Variants in ACSL3 observed in about 807,000 individuals in gnomAD.
The protein encoded by ACSL3 is fatty acid CoA ligase Acsl3.
In ACSL3, 34 loss-of-function variants were observed where a neutral mutation model predicts 84.7. That is an observed-to-expected ratio of 0.40 (90% CI 0.31 to 0.53). ACSL3 has a LOEUF of 0.53. Ranked by LOEUF, ACSL3 falls within the 20% of genes least tolerant of loss-of-function variation. ACSL3 has a pLI of 0.48. For synonymous variants in ACSL3, 315 were observed against 299.4 expected (o/e 1.05, Z -0.54); for missense variants, 680 against 873.1 (o/e 0.78, Z 2.79).
intron 16 of ACSL3, among the ~76,000 whole-genome samples, chr2:222,938,511 T>C (rs1478770925): frequency 3.9e-5 from 6 of 152,222 alleles, no homozygotes; most frequent in Non-Finnish European, 8.8e-5. Flanking sequence ...TGCTGATAAA[T>C]GATAGTTCAA....
chr2:222,917,149 G>A (rs1374256014), intron 5 of ACSL3, among the ~76,000 whole-genome samples: 1 of 152,006 alleles, frequency 6.6e-6, no homozygotes, highest in Non-Finnish European at 1.5e-5. Context: ...GAGTGCAGTG[G>A]CACAGTCTCA....
Position 222,923,162 on chromosome 2 carries a change from C to T in ACSL3, c.1152+13C>T. 2 of 1,605,408 alleles carry T rather than the reference C, an allele frequency of 1.2e-6. No individual in the cohort carries two copies. The highest frequency in any genetic ancestry group is 1.7e-5 in the Admixed American group (1 of 59,954). On this transcript the variant is annotated intron_variant, in intron 10 of 16. Transcript: ENST00000357430. ...GGCAGCAGTTCCGGTAAGAAGTGAC[C>T]CTTATTTAATATTGAGTATTAAAGA...
intron 3 of ACSL3, among the ~76,000 whole-genome samples, chr2:222,901,964 A>AAAAAAAAAATG (rs57522671): frequency 0.057 from 5,626 of 99,308 alleles, 1,375 homozygotes; most frequent in East Asian, 0.14. Flanking sequence ...AAAAAAAAAA[A>AAAAAAAAAATG]GAACTCAAAT....
In ACSL3 at chr2:222,927,272, A is replaced by G. The variant is rs1432502435; in HGVS notation, c.1465+83A>G. On this transcript the variant is annotated intron_variant, in intron 12 of 16. Transcript: ENST00000357430. ...GGGATATTTTCTGCAAATATATAGG[A>G]GAAGAGTAGTAAGGTGTTTGTGAGG... The G allele has an allele frequency of 1.3e-5, 18 of 1,434,690 alleles. No homozygotes were observed. In the South Asian group the frequency reaches 2.2e-4, roughly 17 times the overall value. The allele number at this position is 1,434,690 out of a possible 1,614,324, so 88.9% of individuals were successfully genotyped here.
rs1243400810 is a variant in ACSL3 at position 222,943,228 on chromosome 2, T to G, written c.*1574T>G. 5.0e-6 allele frequency: 1 copy of G among 200,468 alleles called. No homozygotes were observed. The highest frequency in any genetic ancestry group is 9.5e-6 in the Non-Finnish European group (1 of 104,978). The allele number at this position is 200,468 out of a possible 1,614,324, so 12.4% of individuals were successfully genotyped here. On this transcript the variant is annotated 3_prime_UTR_variant, in exon 17 of 17. Coordinates refer to ENST00000357430, the MANE Select transcript of ACSL3 (RefSeq NM_004457.5). ...ATGTGGAGACATTGCAATACAGTGTTTTTTGTTTTCAACTTTTCTTGTATT... is the reference window on the plus strand; with the variant it reads ...ATGTGGAGACATTGCAATACAGTGTGTTTTGTTTTCAACTTTTCTTGTATT...
intron 1 of ACSL3, among the ~76,000 whole-genome samples, chr2:222,887,020 G>A (rs1324862095): frequency 1.3e-5 from 2 of 152,118 alleles, no homozygotes; most frequent in Non-Finnish European, 2.9e-5. Flanking sequence ...TGTATCTACC[G>A]TTATAATACA....
rs1486689941 is a variant in ACSL3 at position 222,928,746 on chromosome 2, G to T, written c.1466-116G>T. On this transcript the variant is annotated intron_variant, in intron 12 of 16. Transcript: ENST00000357430. The stretch of plus-strand genomic sequence containing the variant: ...ACCAATATGTGACTTCTGCTTTTAA[G>T]GAATAGCTGGGGATACCTCAGCCTT... 1.0e-5 allele frequency: 9 copies of T among 872,158 alleles called. No individual in the cohort carries two copies. In the Admixed American group the frequency reaches 2.2e-4, roughly 22 times the overall value. The allele number at this position is 872,158 out of a possible 1,614,324, so 54.0% of individuals were successfully genotyped here.
intron 11 of ACSL3, among the ~76,000 whole-genome samples, chr2:222,925,610 G>A (rs1037853182): frequency 7.9e-5 from 12 of 152,058 alleles, no homozygotes; most frequent in African/African-American, 2.9e-4. Context: ...TAAAAGACAA[G>A]CAAACAAAAA....
At chr2:222,926,678 A>G (rs1171299650) in intron 11 of ACSL3, among the ~76,000 whole-genome samples, 1 of 152,178 alleles carries the variant, frequency 6.6e-6, no homozygotes, top group Admixed American at 6.5e-5. Context: ...AGATGATAGA[A>G]TTGTTCAGTA....
rs948460172 is a variant in ACSL3, at chr2:222,881,666, G to A, written c.-206-6164G>A. On this transcript the variant is annotated intron_variant, in intron 1 of 16. Coordinates refer to ENST00000357430, the MANE Select transcript of ACSL3 (RefSeq NM_004457.5). ...TAAGTAGCTGGGATTACAGGCATGC[G>A]CCACCACCCCTAGCTAATTTTGTAT... Among the ~76,000 whole-genome samples, 30 of 152,098 alleles carry A rather than the reference G, an allele frequency of 2.0e-4. 1 individual carries two copies. The highest frequency in any genetic ancestry group is 1.3e-4 in the Non-Finnish European group (9 of 68,016).
intron 16 of ACSL3, among the ~76,000 whole-genome samples, chr2:222,940,493 T>A (rs1559307048): frequency 6.7e-6 from 1 of 150,214 alleles, no homozygotes; most frequent in African/African-American, 2.4e-5. Flanking sequence ...TTTTTTTTTT[T>A]AACCTAACAA....
At chr2:222,904,463 G>A (rs986307327) in intron 3 of ACSL3, among the ~76,000 whole-genome samples, 12 of 152,088 alleles carry the variant, frequency 7.9e-5, no homozygotes, top group African/African-American at 1.2e-4. Flanking sequence ...TACAAATCAC[G>A]TTTTTGTGAG....
chr2:222,881,030 T>G (rs1424661669), intron 1 of ACSL3, among the ~76,000 whole-genome samples: 1 of 152,116 alleles, frequency 6.6e-6, no homozygotes, highest in Non-Finnish European at 1.5e-5. Context: ...TTTCATTGCA[T>G]TGGCTAAAGT....
At chr2:222,894,605 G>C (rs775569765) in intron 2 of ACSL3, among the ~76,000 whole-genome samples, 2 of 152,108 alleles carry the variant, frequency 1.3e-5, no homozygotes. Context: ...GAAGTTGGGA[G>C]TTGTTAAATT....
intron 2 of ACSL3, among the ~76,000 whole-genome samples, chr2:222,900,471 C>G (rs1431217551): frequency 1.3e-5 from 2 of 152,244 alleles, no homozygotes; most frequent in Admixed American, 1.3e-4. Context: ...TGAAGTTTCA[C>G]AGTTTGTGTA....
At position 222,919,144 on chromosome 2, in the gene ACSL3, G is replaced by A. The variant is rs1354633150; in HGVS notation, c.747G>A (p.Lys249=). 1 of 1,614,142 alleles carries A rather than the reference G, an allele frequency of 6.2e-7. No individual in the cohort carries two copies. Among genetic ancestry groups the A allele is most frequent in the Non-Finnish European group, 8.5e-7 (1 of 1,180,014 alleles). The change falls in exon 7 of 17, where the codon AAG becomes AAA. Residue 249 remains lysine (K), a synonymous_variant. Coordinates refer to ENST00000357430, the MANE Select transcript of ACSL3 (RefSeq NM_004457.5). ...GKPPTWSEFP[K]GIIVHTMAAV... is the part of the protein sequence containing the mutation. ...CACCGACCTGGTCCGAGTTCCCCAA[G>A]GGCATCATTGTGCATACCATGGCTG...
chr2:222,883,067 C>G (rs537831023), intron 1 of ACSL3, among the ~76,000 whole-genome samples: 20 of 151,856 alleles, frequency 1.3e-4, no homozygotes, highest in African/African-American at 4.3e-4. Flanking sequence ...CACACCTGGC[C>G]CAAATCACAC....
intron 2 of ACSL3, among the ~76,000 whole-genome samples, chr2:222,897,729 G>T (rs1476874754): frequency 2.5e-5 from 1 of 40,816 alleles, no homozygotes; most frequent in Non-Finnish European, 3.9e-5. Flanking sequence ...AGACCGGCCC[G>T]GCCAACACAG....
Position 222,912,524 on chromosome 2 carries a change from C to T in ACSL3, c.378+3374C>T, listed in dbSNP as rs555613666. Among the ~76,000 whole-genome samples the T allele has an allele frequency of 2.1e-3, 320 of 152,200 alleles. 2 individuals carry two copies. Among genetic ancestry groups the T allele is most frequent in the African/African-American group, 7.3e-3 (305 of 41,534 alleles). ...GATAATCTTCAACTGGAAAAGAAAA[C>T]GAATGTTGTAGCAATATTTAAAATA... On this transcript the variant is annotated intron_variant, in intron 4 of 16. Coordinates refer to ENST00000357430, the MANE Select transcript of ACSL3 (RefSeq NM_004457.5).
Sources: allele counts gnomAD v4.1 joint callset (sites outside exome capture counted in the v4.1 genomes callset), GRCh38; gene constraint gnomAD v4.1.1; transcripts MANE v1.5; gene names NCBI Gene and HGNC (gene_info 2026-07-23, HGNC 2026-07-21).